Variants in ISY1 observed in about 807,000 individuals in gnomAD.
ISY1 encodes the protein ISY1 spliceosome associated protein, also known as pre-mRNA-splicing factor ISY1 homolog.
In ISY1, 12 loss-of-function variants were observed where a neutral mutation model predicts 54.4. The ratio of observed to expected loss-of-function variants is 0.22; its 90% confidence interval spans 0.14 to 0.36. ISY1 has a LOEUF of 0.36. Among genes scored for constraint, ISY1 ranks in the 10% least tolerant of loss-of-function variants. ISY1 has a pLI of 1.00. For synonymous variants in ISY1, 96 were observed against 117.9 expected, an observed-to-expected ratio of 0.81 and a Z score of 1.20; for missense variants, 282 against 342.2, an observed-to-expected ratio of 0.82 and a Z score of 1.39.
At chr3:129,148,576 TTA>T (rs1173881627) in intron 5 of ISY1, among the ~76,000 whole-genome samples, 48 of 152,354 alleles carry the variant, frequency 3.2e-4, no homozygotes, top group African/African-American at 1.1e-3. Flanking sequence ...ACATTTTATT[TTA>T]TGTTTTGAGA....
chr3:129,149,221 TG>T (rs1314946197), intron 5 of ISY1, among the ~76,000 whole-genome samples: 2 of 146,336 alleles, frequency 1.4e-5, no homozygotes, highest in Non-Finnish European at 3.0e-5. Context: ...CACTTGAGGT[TG>T]GGAGTTCGAG....
At chr3:129,149,292 G>A (rs1164099630) in intron 5 of ISY1, among the ~76,000 whole-genome samples, 3 of 151,342 alleles carry the variant, frequency 2.0e-5, no homozygotes, top group Non-Finnish European at 4.4e-5. Context: ...AGCTGGGTAT[G>A]GTGACACATG....
intron 9 of ISY1, among the ~76,000 whole-genome samples, chr3:129,131,241 T>C (rs896041672): frequency 1.1e-4 from 16 of 152,198 alleles, no homozygotes; most frequent in Admixed American, 1.0e-3. Flanking sequence ...GAGAAACTGG[T>C]TGTATCTAAC....
chr3:129,137,475 C>G (rs1287655029), intron 7 of ISY1, among the ~76,000 whole-genome samples: 1 of 151,910 alleles, frequency 6.6e-6, no homozygotes, highest in Non-Finnish European at 1.5e-5. Context: ...AATGTAAATG[C>G]AAAAAACCTA....
At chr3:129,144,102 C>T (rs763542091) in intron 6 of ISY1, 1 of 418,760 alleles carries the variant, frequency 2.4e-6, no homozygotes, top group Admixed American at 2.5e-5. Context: ...TAATGAGCTG[C>T]TTTTAAGCTG....
chr3:129,154,806 A>C (rs1937087548), intron 5 of ISY1, among the ~76,000 whole-genome samples: 1 of 150,584 alleles, frequency 6.6e-6, no homozygotes, highest in Admixed American at 6.7e-5. Flanking sequence ...CTCCTGCCTC[A>C]GCCTCCCAAG....
In ISY1 at chr3:129,156,615, A is replaced by G. The variant is rs768257057; in HGVS notation, c.187+18T>C. ...TGGATTTGAGAATCAAGCACTTTAA[A>G]GGAACAAGTTTGCTTACCATTCTGA... On this transcript the variant is annotated intron_variant, in intron 5 of 10. Coordinates refer to ENST00000393295, the MANE Select transcript of ISY1 (RefSeq NM_020701.4). The G allele has an allele frequency of 6.2e-7, 1 of 1,610,656 alleles. No individual in the cohort carries two copies.
chr3:129,140,037 C>T (rs1936561020), intron 7 of ISY1, among the ~76,000 whole-genome samples: 1 of 152,146 alleles, frequency 6.6e-6, no homozygotes, highest in South Asian at 2.1e-4. Context: ...GAAACATGAC[C>T]TGATTCAATG....
chr3:129,145,772 G>T lies in ISY1; in HGVS notation c.289C>A (p.Pro97Thr). Residue 97 changes from proline (P) to threonine (T), a missense_variant, in exon 6 of 11, where the codon CCT becomes ACT. By Grantham distance (38) the Pro-to-Thr change is conservative. Around this residue, in one of 2 missense-constraint regions of ISY1, gnomAD observed 279 missense variants for 323.6 expected, o/e 0.86. Coordinates refer to ENST00000393295, the MANE Select transcript of ISY1 (RefSeq NM_020701.4). ...TGCCATGTACTCACTCCATAATCAG[G>T]ACCTCCCAGCTCCTTTATCCGGACC... ...WEVRIKELGG[P>T]DYGKVGPKML... 3 of 1,613,980 alleles carry T rather than the reference G, an allele frequency of 1.9e-6. No homozygotes were observed. The highest frequency in any genetic ancestry group is 2.5e-6 in the Non-Finnish European group (3 of 1,179,942).
chr3:129,148,043 T>C (rs1255342649), intron 5 of ISY1, among the ~76,000 whole-genome samples: 1 of 152,134 alleles, frequency 6.6e-6, no homozygotes, highest in Non-Finnish European at 1.5e-5. Context: ...CCCAAGCTGG[T>C]CTCCAACTCC....
intron 3 of ISY1, 112 bp from the exon 4 acceptor site, chr3:129,157,032 A>C (rs1227431437): frequency 6.7e-6 from 8 of 1,191,868 alleles, no homozygotes; most frequent in Non-Finnish European, 8.3e-6. Flanking sequence ...AAAACATTTG[A>C]AGTTTTCATT....
chr3:129,144,463 G>A (rs901287368), intron 6 of ISY1, among the ~76,000 whole-genome samples: 2 of 152,166 alleles, frequency 1.3e-5, no homozygotes, highest in Admixed American at 6.6e-5. Flanking sequence ...AAAACTGCAT[G>A]TGTTTCTTAT....
Position 129,134,212 on chromosome 3 carries a change from G to C in ISY1, c.542-17C>G. The C allele has an allele frequency of 6.2e-7, 1 of 1,614,044 alleles. No homozygotes were observed. The highest frequency in any genetic ancestry group is 1.7e-5 in the Admixed American group (1 of 60,026). Reference sequence around the variant, plus strand: ...CGGCTCTGACTGAACACAAGAGAGGGTAGGTGCTATTTATTTGTCTCTAAA... The same window carrying C: ...CGGCTCTGACTGAACACAAGAGAGGCTAGGTGCTATTTATTTGTCTCTAAA... On this transcript the variant is annotated splice_polypyrimidine_tract_variant and intron_variant, in intron 8 of 10. Transcript: ENST00000393295.
At chr3:129,160,918 G>GCCCCCACCC in intron 1 of ISY1, 55 bp downstream of exon 1, 3 of 666,126 alleles carry the variant, frequency 4.5e-6, no homozygotes, top group African/African-American at 1.9e-5. Flanking sequence ...TGGACTGGGC[G>GCCCCCACCC]CCCCCCCGCC....
chr3:129,160,491 T>C (rs1029408445), intron 1 of ISY1, among the ~76,000 whole-genome samples: 1 of 151,872 alleles, frequency 6.6e-6, no homozygotes, highest in Non-Finnish European at 1.5e-5. Flanking sequence ...ATTGAACATC[T>C]GCAACGACTC....
intron 6 of ISY1, 49 bp from the exon 7 acceptor site, chr3:129,140,534 A>AGTT (rs1936576240): frequency 1.2e-5 from 19 of 1,529,216 alleles, no homozygotes; most frequent in Non-Finnish European, 1.7e-5. Context: ...TTAGTTAGTT[A>AGTT]GTTATTATTT....
intron 5 of ISY1, among the ~76,000 whole-genome samples, chr3:129,147,662 T>C (rs1936810734): frequency 6.6e-6 from 1 of 152,184 alleles, no homozygotes; most frequent in Non-Finnish European, 1.5e-5. Flanking sequence ...ACAATACTTT[T>C]TGGTACACAA....
At chr3:129,160,829 G>C (rs1937286234) in intron 1 of ISY1, 144 bp downstream of exon 1, 1 of 1,057,674 alleles carries the variant, frequency 9.5e-7, no homozygotes, top group African/African-American at 1.6e-5. Context: ...GAGGCAGGAA[G>C]AGAATCCCCT....
intron 9 of ISY1, among the ~76,000 whole-genome samples, chr3:129,132,656 C>T (rs976223144): frequency 6.6e-6 from 1 of 152,232 alleles, no homozygotes; most frequent in Non-Finnish European, 1.5e-5. Context: ...CACTGTCTCT[C>T]TTACTGGACT....
Sources: allele counts gnomAD v4.1 joint callset (sites outside exome capture counted in the v4.1 genomes callset), GRCh38; gene constraint gnomAD v4.1.1; regional missense constraint gnomAD v4.1.1; transcripts MANE v1.5; gene names NCBI Gene and HGNC (gene_info 2026-07-23, HGNC 2026-07-21).